ZNF136: variants seen among roughly 807,000 people sequenced by gnomAD.
The protein encoded by ZNF136 is zinc finger protein 136.
A neutral mutation model predicts 11.4 loss-of-function variants in ZNF136; 8 were observed. That is an observed-to-expected ratio of 0.70 (90% confidence interval 0.41 to 1.27). The LOEUF is 1.27. Among genes scored for constraint, ZNF136 ranks in the 50% most tolerant of loss-of-function variants. The probability of loss-of-function intolerance (pLI) is 0.01; values close to 1 mark genes in which losing one functional copy is unlikely to be tolerated. For missense variants in ZNF136, 590 were observed against 656.5 expected, an observed-to-expected ratio of 0.90 and a Z score of 1.11; for synonymous variants, 190 against 207.1, an observed-to-expected ratio of 0.92 and a Z score of 0.71.
intron 1 of ZNF136, among the ~76,000 whole-genome samples, chr19:12,174,165 A>G (rs1296188629): frequency 6.6e-6 from 1 of 152,152 alleles, no homozygotes; most frequent in Non-Finnish European, 1.5e-5. Context: ...TCGGCCTCCC[A>G]AAGTGCTGAG....
chr19:12,177,316 C>T (rs1193324947), intron 1 of ZNF136, among the ~76,000 whole-genome samples: 1 of 152,198 alleles, frequency 6.6e-6, no homozygotes, highest in Non-Finnish European at 1.5e-5. Flanking sequence ...TTCTGGGCTA[C>T]GTCCCACTTA....
At chr19:12,183,864 T>TGTGATGG (rs1915013359) in intron 1 of ZNF136, among the ~76,000 whole-genome samples, 1 of 152,156 alleles carries the variant, frequency 6.6e-6, no homozygotes, top group Admixed American at 6.5e-5. Context: ...AACCTCCCAA[T>TGTGATGG]GTGATGGAAT....
At chr19:12,165,979 G>A (rs1336201110) in intron 1 of ZNF136, among the ~76,000 whole-genome samples, 2 of 152,144 alleles carry the variant, frequency 1.3e-5, no homozygotes, top group African/African-American at 4.8e-5. Context: ...TGTAATCCCA[G>A]CACTTTGGGA....
Position 12,188,371 on chromosome 19 carries a change from T to C in ZNF136, c.*370T>C, listed in dbSNP as rs750343624. 3.5e-5 allele frequency: 6 copies of C among 169,990 alleles called. No homozygotes were observed. Among genetic ancestry groups the C allele is most frequent in the Admixed American group, 6.2e-5 (1 of 16,168 alleles). 10.5% of individuals were successfully genotyped at this position (169,990 alleles called of 1,614,324 possible). A position where few individuals can be genotyped will look rare whatever the true frequency, so the allele number is the denominator to read the frequency against. On this transcript the variant is annotated 3_prime_UTR_variant, in exon 4 of 4. Coordinates refer to ENST00000343979, the MANE Select transcript of ZNF136 (RefSeq NM_003437.5). ...AGTGTGGGAGAGCCTTTAGTCATTT[T>C]AGTTCCACTTGAAGCCATGAAAGAA... is the stretch of plus-strand genomic sequence containing the variant.
At chr19:12,173,148 C>A (rs1433943756) in intron 1 of ZNF136, among the ~76,000 whole-genome samples, 1 of 152,062 alleles carries the variant, frequency 6.6e-6, no homozygotes, top group African/African-American at 2.4e-5. Flanking sequence ...TGGGCCAAAT[C>A]CTTTATTGGG....
rs78539194 is a variant in ZNF136 at position 12,177,039 on chromosome 19, T to G, written c.4-8746T>G. On this transcript the variant is annotated intron_variant, in intron 1 of 3. Coordinates refer to ENST00000343979, the MANE Select transcript of ZNF136 (RefSeq NM_003437.5). ...GCCTGATTGCCCTGGTAGCATCTTTTAGCATGTTAAATAGCTGTGTCAAAA... is the reference window on the plus strand; with the variant it reads ...GCCTGATTGCCCTGGTAGCATCTTTGAGCATGTTAAATAGCTGTGTCAAAA... Among the ~76,000 whole-genome samples, 799 of 152,348 alleles carry G rather than the reference T, an allele frequency of 5.2e-3. 10 individuals carry two copies. The highest frequency in any genetic ancestry group is 4.5e-3 in the Non-Finnish European group (306 of 68,026).
At chr19:12,169,753 G>C (rs1914593580) in intron 1 of ZNF136, among the ~76,000 whole-genome samples, 1 of 150,336 alleles carries the variant, frequency 6.7e-6, no homozygotes, top group South Asian at 2.1e-4. Flanking sequence ...GGACTTACAG[G>C]CGCCCGCCAC....
At chr19:12,170,470 C>T (rs1012731789) in intron 1 of ZNF136, among the ~76,000 whole-genome samples, 1 of 151,898 alleles carries the variant, frequency 6.6e-6, no homozygotes, top group African/African-American at 2.4e-5. Context: ...TCACTGCAAC[C>T]TTGGCCTCCC....
chr19:12,163,497 A>G (rs573451873), intron 1 of ZNF136, among the ~76,000 whole-genome samples: 4 of 152,284 alleles, frequency 2.6e-5, no homozygotes, highest in Admixed American at 2.0e-4. Flanking sequence ...GGTGGGGGAA[A>G]TCCTGACTTG....
chr19:12,187,745 C>G lies in ZNF136; in HGVS notation c.1367C>G (p.Ala456Gly). The G allele has an allele frequency of 1.2e-6, 2 of 1,613,414 alleles. No individual in the cohort carries two copies. Among genetic ancestry groups the G allele is most frequent in the Non-Finnish European group, 1.7e-6 (2 of 1,179,854 alleles). ...TATGAGTGTAAGCAATGTGGGAAAG[C>G]CTTCAGTTATCTCAACTCCTTTCGA... is the stretch of plus-strand genomic sequence containing the variant. The part of the protein sequence containing the change: ...KPYECKQCGK[A>G]FSYLNSFRTH... The change falls in exon 4 of 4, where the codon GCC becomes GGC. Residue 456 changes from alanine (A) to glycine (G), a missense_variant. Coordinates refer to ENST00000343979, the MANE Select transcript of ZNF136 (RefSeq NM_003437.5).
Position 12,187,602 on chromosome 19 carries a change from A to T in ZNF136, c.1224A>T (p.Arg408=). ...CCTTTCATTCTCTGAGTCCATTTCG[A>T]ATACATGAAAGAACTCACACTGGAG... ...GKPFHSLSPF[R]IHERTHTGEK... Residue 408 remains arginine, a synonymous_variant, in exon 4 of 4, where the codon CGA becomes CGT. Coordinates refer to ENST00000343979, the MANE Select transcript of ZNF136 (RefSeq NM_003437.5). 1 of 1,614,190 alleles carries T rather than the reference A, an allele frequency of 6.2e-7. No homozygotes were observed. The highest frequency in any genetic ancestry group is 8.5e-7 in the Non-Finnish European group (1 of 1,180,012).
At chr19:12,182,230 G>A (rs936767141) in intron 1 of ZNF136, among the ~76,000 whole-genome samples, 1 of 152,242 alleles carries the variant, frequency 6.6e-6, no homozygotes, top group Non-Finnish European at 1.5e-5. Flanking sequence ...AAACTCCATT[G>A]TGAAAAAGCT....
chr19:12,174,129 T>C (rs1208079731), intron 1 of ZNF136, among the ~76,000 whole-genome samples: 1 of 152,180 alleles, frequency 6.6e-6, no homozygotes, highest in African/African-American at 2.4e-5. Flanking sequence ...GGTCTCAATC[T>C]CCTGGCCTCA....
Position 12,187,177 on chromosome 19 carries a change from T to C in ZNF136, c.799T>C (p.Phe267Leu). 3 of 1,613,970 alleles carry C rather than the reference T, an allele frequency of 1.9e-6. No homozygotes were observed. The highest frequency in any genetic ancestry group is 1.1e-5 in the South Asian group (1 of 91,078). Reference protein sequence around the residue: ...CGKPFHSLSSFQVHERIHTGE... With the variant: ...CGKPFHSLSSLQVHERIHTGE... ...GAAACCCTTTCATTCTCTGAGTTCA[T>C]TTCAAGTGCATGAAAGAATTCACAC... Residue 267 changes from phenylalanine to leucine, a missense_variant, in exon 4 of 4, where the codon TTT becomes CTT. Physicochemically the swap from Phe to Leu is conservative, Grantham distance 22 (BLOSUM62 0). Transcript: ENST00000343979.
Position 12,163,192 on chromosome 19 carries a change from G to A in ZNF136, c.-12G>A. 7.1e-7 allele frequency: 1 copy of A among 1,400,158 alleles called. No homozygotes were observed. Among genetic ancestry groups the A allele is most frequent in the Non-Finnish European group, 9.3e-7 (1 of 1,070,812 alleles). 86.7% of individuals were successfully genotyped at this position (1,400,158 alleles called of 1,614,324 possible). Reference sequence around the variant, plus strand: ...CCGGAGGGAGGAAGCTGGGACACCCGGGAGTCAGGAAATGGTGAGTGTGTC... The same window carrying A: ...CCGGAGGGAGGAAGCTGGGACACCCAGGAGTCAGGAAATGGTGAGTGTGTC... On this transcript the variant is annotated 5_prime_UTR_variant, in exon 1 of 4. Coordinates refer to ENST00000343979, the MANE Select transcript of ZNF136 (RefSeq NM_003437.5).
rs547894263 is a variant in ZNF136, at chr19:12,184,158, C to T, written c.4-1627C>T. ...GCACGTGCCTGTACTCCCACCTCCTCGGGAGGTTGAGGCGGGATAATCCCT... is the reference window on the plus strand; with the variant it reads ...GCACGTGCCTGTACTCCCACCTCCTTGGGAGGTTGAGGCGGGATAATCCCT... On this transcript the variant is annotated intron_variant, in intron 1 of 3. Transcript: ENST00000343979. 8.4e-3 allele frequency among the ~76,000 whole-genome samples: 1,280 copies of T among 151,878 alleles called. 16 individuals are homozygous for T. The highest frequency in any genetic ancestry group is 0.013 in the Non-Finnish European group (869 of 67,960).
chr19:12,168,141 C>T (rs1030332142), intron 1 of ZNF136, among the ~76,000 whole-genome samples: 18 of 140,862 alleles, frequency 1.3e-4, no homozygotes, highest in Admixed American at 1.2e-3. Context: ...GGCGCGATCC[C>T]GGCTCACTCT....
At chr19:12,179,000 AAAAGAAAG>A (rs202191242) in intron 1 of ZNF136, among the ~76,000 whole-genome samples, 1 of 152,076 alleles carries the variant, frequency 6.6e-6, no homozygotes, top group African/African-American at 2.4e-5. Context: ...CAAAAGAAAA[AAAAGAAAG>A]AAAGAAAAAA....
intron 1 of ZNF136, among the ~76,000 whole-genome samples, chr19:12,177,864 T>G (rs1415412267): frequency 2.0e-5 from 3 of 150,584 alleles, no homozygotes; most frequent in African/African-American, 7.3e-5. Flanking sequence ...TCTCAGCACT[T>G]TGGGAGTCTG....
Sources: gnomAD v4.1 joint callset for allele counts (sites outside exome capture counted in the v4.1 genomes callset) on GRCh38, gnomAD v4.1.1 for gene constraint, MANE v1.5 for transcripts, NCBI Gene and HGNC (gene_info 2026-07-23, HGNC 2026-07-21) for gene names.